Variants in TAFA2 observed in about 807,000 individuals in gnomAD.
The protein encoded by TAFA2 is chemokine-like protein TAFA-2.
In TAFA2, 7 loss-of-function variants were observed where a neutral mutation model predicts 18.8. That is an observed-to-expected ratio of 0.37 (90% CI 0.21 to 0.70). TAFA2 has a LOEUF of 0.70. Ranked by LOEUF, TAFA2 falls within the 30% of genes least tolerant of loss-of-function variation. The pLI is 0.53. For synonymous variants in TAFA2, 60 were observed against 54.2 expected, an observed-to-expected ratio of 1.11 and a Z score of -0.47; for missense variants, 122 against 158.1, an observed-to-expected ratio of 0.77 and a Z score of 1.23.
intron 1 of TAFA2, among the ~76,000 whole-genome samples, chr12:62,245,986 A>C (rs1324296223): frequency 1.4e-5 from 2 of 142,248 alleles, no homozygotes; most frequent in African/African-American, 2.8e-5. Flanking sequence ...TTTTATTGTT[A>C]TTCCTTTTTT....
chr12:62,243,242 T>A (rs761664969), intron 1 of TAFA2, among the ~76,000 whole-genome samples: 5 of 152,226 alleles, frequency 3.3e-5, no homozygotes, highest in Non-Finnish European at 5.9e-5. Flanking sequence ...CTGCTCCACT[T>A]ACTAACCTTA....
chr12:61,924,930 T>G (rs1877214277), intron 1 of TAFA2, among the ~76,000 whole-genome samples: 1 of 151,874 alleles, frequency 6.6e-6, no homozygotes, highest in Non-Finnish European at 1.5e-5. Flanking sequence ...ACCCACGGGG[T>G]GCAATCCTAG....
chr12:62,209,997 G>A (rs2062707069), intron 1 of TAFA2, among the ~76,000 whole-genome samples: 1 of 152,036 alleles, frequency 6.6e-6, no homozygotes, highest in Admixed American at 6.5e-5. Flanking sequence ...TCAGGAAATC[G>A]AGACCATCCT....
chr12:62,218,740 T>C (rs1365292605), intron 1 of TAFA2, among the ~76,000 whole-genome samples: 1 of 152,182 alleles, frequency 6.6e-6, no homozygotes, highest in African/African-American at 2.4e-5. Context: ...TTATTTTCTT[T>C]CTCTTTTTTT....
chr12:61,852,388 C>T (rs529416952), intron 2 of TAFA2, among the ~76,000 whole-genome samples: 3 of 152,126 alleles, frequency 2.0e-5, no homozygotes, highest in East Asian at 1.9e-4. Context: ...GGGAACAGAG[C>T]GAGTGAGCTG....
At chr12:61,797,155 C>T (rs796500090) in intron 2 of TAFA2, among the ~76,000 whole-genome samples, 8 of 152,238 alleles carry the variant, frequency 5.3e-5, no homozygotes, top group Admixed American at 2.0e-4. Context: ...GAATGGTTAA[C>T]AGAGTTTACG....
chr12:61,792,515 A>T (rs187989986), intron 2 of TAFA2, among the ~76,000 whole-genome samples: 14 of 151,744 alleles, frequency 9.2e-5, no homozygotes, highest in Admixed American at 2.6e-4. Flanking sequence ...CCATAAGTAC[A>T]ATTATTTTGT....
intron 2 of TAFA2, among the ~76,000 whole-genome samples, chr12:61,854,568 A>G (rs1873807993): frequency 6.6e-6 from 1 of 152,058 alleles, no homozygotes; most frequent in Admixed American, 6.6e-5. Context: ...GAACAGAGTC[A>G]AGCAGAAAAG....
chr12:61,711,195 C>T (rs868613987), intron 4 of TAFA2, among the ~76,000 whole-genome samples: 2 of 151,568 alleles, frequency 1.3e-5, no homozygotes, highest in South Asian at 2.1e-4. Context: ...TACATATATA[C>T]ATACATATCT....
intron 1 of TAFA2, among the ~76,000 whole-genome samples, chr12:62,011,515 A>G (rs1318346588): frequency 6.6e-6 from 1 of 152,106 alleles, no homozygotes; most frequent in Non-Finnish European, 1.5e-5. Context: ...AGGGCGGTGC[A>G]AGATGTGCTT....
intron 1 of TAFA2, among the ~76,000 whole-genome samples, chr12:62,010,323 G>A (rs988436668): frequency 6.6e-6 from 1 of 152,084 alleles, no homozygotes; most frequent in Non-Finnish European, 1.5e-5. Context: ...ATGCCTGACT[G>A]GTTTTTGTAT....
intron 1 of TAFA2, among the ~76,000 whole-genome samples, chr12:62,239,276 T>A (rs1334231731): frequency 6.6e-6 from 1 of 152,222 alleles, no homozygotes; most frequent in African/African-American, 2.4e-5. Context: ...GCCCACCTCT[T>A]AAGTGCTGTT....
chr12:62,223,289 C>T (rs1167068855), intron 1 of TAFA2, among the ~76,000 whole-genome samples: 1 of 152,122 alleles, frequency 6.6e-6, no homozygotes, highest in Non-Finnish European at 1.5e-5. Flanking sequence ...AATGATCCTC[C>T]CACCTCAGCC....
intron 4 of TAFA2, among the ~76,000 whole-genome samples, 158 bp from the exon 5 acceptor site, chr12:61,710,575 A>G (rs1869351898): frequency 6.6e-6 from 1 of 152,164 alleles, no homozygotes; most frequent in Non-Finnish European, 1.5e-5. Context: ...AGGTATTTCC[A>G]TCATATAAAA....
At chr12:62,041,301 T>C (rs1490884290) in intron 1 of TAFA2, among the ~76,000 whole-genome samples, 1 of 151,794 alleles carries the variant, frequency 6.6e-6, no homozygotes, top group Non-Finnish European at 1.5e-5. Context: ...AAAAGAAAAA[T>C]TTTCAAAGTC....
At chr12:61,889,079 T>G (rs902353462) in intron 1 of TAFA2, among the ~76,000 whole-genome samples, 11 of 152,104 alleles carry the variant, frequency 7.2e-5, no homozygotes, top group African/African-American at 2.7e-4. Context: ...TCCATTCATC[T>G]CCCGTCTACA....
intron 1 of TAFA2, among the ~76,000 whole-genome samples, chr12:62,179,191 G>A (rs749322815): frequency 4.6e-5 from 7 of 152,098 alleles, no homozygotes; most frequent in Non-Finnish European, 1.0e-4. Flanking sequence ...TTAATGAAAC[G>A]CTTATTAAAT....
At chr12:62,092,674 A>G (rs1206253053) in intron 1 of TAFA2, among the ~76,000 whole-genome samples, 1 of 152,038 alleles carries the variant, frequency 6.6e-6, no homozygotes, top group East Asian at 1.9e-4. Context: ...AATATGGTAT[A>G]TGTCCAATAT....
chr12:61,916,594 T>C (rs756569113), intron 1 of TAFA2, among the ~76,000 whole-genome samples: 10 of 152,224 alleles, frequency 6.6e-5, no homozygotes, highest in Non-Finnish European at 1.5e-4. Context: ...CCTGTTACGA[T>C]TTTTCACCTT....
Sources: gnomAD v4.1 joint callset for allele counts (sites outside exome capture counted in the v4.1 genomes callset) on GRCh38, gnomAD v4.1.1 for gene constraint, MANE v1.5 for transcripts, NCBI Gene and HGNC (gene_info 2026-07-23, HGNC 2026-07-21) for gene names.